GMDS: variants seen among roughly 807,000 people sequenced by gnomAD.
GMDS encodes GDP-mannose 4,6-dehydratase, also known as GDP-mannose 4,6 dehydratase.
A neutral mutation model predicts 49.9 loss-of-function variants in GMDS; 20 were observed. The ratio of observed to expected loss-of-function variants is 0.40; its 90% CI spans 0.28 to 0.58. The LOEUF (loss-of-function observed/expected upper bound fraction) is 0.58, where lower values mean the gene tolerates loss of function less well. GMDS is among the 20% of genes least tolerant of loss of function. The pLI is 0.42. For synonymous variants in GMDS, 177 were observed against 178.6 expected, an observed-to-expected ratio of 0.99 and a Z score of 0.07; for missense variants, 362 against 481.4, an observed-to-expected ratio of 0.75 and a Z score of 2.32.
chr6:1,810,037 C>A (rs559040758), intron 7 of GMDS, among the ~76,000 whole-genome samples: 1 of 152,218 alleles, frequency 6.6e-6, no homozygotes, highest in African/African-American at 2.4e-5. Flanking sequence ...GGTTACGCAG[C>A]TCAACTACAC....
In GMDS at chr6:1,959,972, CT is replaced by C; in HGVS notation, c.539-2del. On this transcript the variant is annotated splice_acceptor_variant, in intron 5 of 10. Coordinates refer to ENST00000380815, the MANE Select transcript of GMDS (RefSeq NM_001500.4). LOFTEE classifies it high-confidence loss of function. ...CAATAGGCATAGAGTTTTGCTGCCC[CT>C]GTTGGAATAATTTTTTTTAAGCAAT... 2 of 1,574,914 alleles carry C rather than the reference CT, an allele frequency of 1.3e-6. No individual in the cohort carries two copies. Among genetic ancestry groups the C allele is most frequent in the Non-Finnish European group, 1.7e-6 (2 of 1,155,660 alleles).
intron 1 of GMDS, among the ~76,000 whole-genome samples, chr6:2,159,517 T>G (rs924379304): frequency 7.3e-6 from 1 of 137,866 alleles, no homozygotes; most frequent in African/African-American, 2.7e-5. Flanking sequence ...TTTTTTTCTT[T>G]TTTTTTTTTT....
chr6:1,673,629 C>A (rs1159531785), intron 9 of GMDS, among the ~76,000 whole-genome samples: 1 of 152,108 alleles, frequency 6.6e-6, no homozygotes, highest in African/African-American at 2.4e-5. Context: ...CGTATAATGT[C>A]ATGTATCCAC....
At chr6:1,650,741 A>ATT (rs11428270) in intron 9 of GMDS, among the ~76,000 whole-genome samples, 86 of 150,810 alleles carry the variant, frequency 5.7e-4, no homozygotes, top group African/African-American at 1.1e-3. Context: ...TGCCTGGCTA[A>ATT]TTTTTTTTTG....
At position 2,118,229 on chromosome 6, in the gene GMDS, T is replaced by C. The variant is rs114133038; in HGVS notation, c.148-673A>G. On this transcript the variant is annotated intron_variant, in intron 2 of 10. Transcript: ENST00000380815. ...GACAGTTGATAAAACAGGAATGTAA[T>C]GCATACTTGCCTGATATTGAAGAAA... 6.9e-3 allele frequency among the ~76,000 whole-genome samples: 1,058 copies of C among 152,306 alleles called. 6 individuals carry two copies. Among genetic ancestry groups the C allele is most frequent in the Middle Eastern group, 0.024 (7 of 294 alleles).
Position 1,689,902 on chromosome 6 carries a change from A to G in GMDS, c.987+36514T>C, listed in dbSNP as rs1043792586. 1.9e-4 allele frequency among the ~76,000 whole-genome samples: 3 copies of G among 15,906 alleles called. No homozygotes were observed. In the Admixed American group the frequency reaches 3.4e-3, roughly 18 times the overall value. 10.4% of individuals were successfully genotyped at this position (15,906 alleles called of 152,430 possible). ...ACAACAGCATAGAAAACAAGTTGAAATATATGTAGATAACATAAAGCATGA... is the reference window on the plus strand; with the variant it reads ...ACAACAGCATAGAAAACAAGTTGAAGTATATGTAGATAACATAAAGCATGA... On this transcript the variant is annotated intron_variant, in intron 9 of 10. Coordinates refer to ENST00000380815, the MANE Select transcript of GMDS (RefSeq NM_001500.4).
Position 1,635,811 on chromosome 6 carries a change from C to T in GMDS, c.988-11271G>A, listed in dbSNP as rs982900794. 6.6e-6 allele frequency among the ~76,000 whole-genome samples: 1 copy of T among 152,198 alleles called. No homozygotes were observed. The highest frequency in any genetic ancestry group is 2.1e-4 in the South Asian group (1 of 4,826). On this transcript the variant is annotated intron_variant, in intron 9 of 10. Transcript: ENST00000380815. This position sits in a 1 kb window ranked among gnomAD's most constrained non-coding sequence, Gnocchi z 4.7. ...AATGTGAGAAATTACTGATTACAGC[C>T]TTGTACATAACCCACAGCCACTCCA... is the stretch of plus-strand genomic sequence containing the variant.
At chr6:2,244,674 T>C (rs1052583004) in intron 1 of GMDS, among the ~76,000 whole-genome samples, 2 of 152,228 alleles carry the variant, frequency 1.3e-5, no homozygotes, top group Non-Finnish European at 2.9e-5. Context: ...AGCCGCACTT[T>C]TGGACCAGTG....
At chr6:1,831,264 C>T (rs1292725504) in intron 7 of GMDS, among the ~76,000 whole-genome samples, 1 of 152,220 alleles carries the variant, frequency 6.6e-6, no homozygotes, top group Non-Finnish European at 1.5e-5. Flanking sequence ...GTGGCTGTGT[C>T]CCATCTGCCA....
At chr6:2,186,531 G>A (rs867601523) in intron 1 of GMDS, among the ~76,000 whole-genome samples, 1 of 152,150 alleles carries the variant, frequency 6.6e-6, no homozygotes, top group South Asian at 2.1e-4. Context: ...CAATGTGTTC[G>A]CTAGCCTTTC....
At chr6:1,998,573 C>A (rs1028187211) in intron 4 of GMDS, among the ~76,000 whole-genome samples, 16 of 152,134 alleles carry the variant, frequency 1.1e-4, no homozygotes, top group African/African-American at 3.6e-4. Context: ...CAGATTCAAT[C>A]AACCACAATT....
At chr6:2,203,869 G>A (rs1779666006) in intron 1 of GMDS, among the ~76,000 whole-genome samples, 1 of 152,058 alleles carries the variant, frequency 6.6e-6, no homozygotes, top group Non-Finnish European at 1.5e-5. Context: ...GATTTCACAT[G>A]GAAAAAGGCA....
chr6:1,962,828 C>G (rs559350920), intron 4 of GMDS, among the ~76,000 whole-genome samples: 2 of 151,274 alleles, frequency 1.3e-5, no homozygotes, highest in African/African-American at 4.8e-5. Flanking sequence ...ATATGACTTG[C>G]AATCTTTCCT....
chr6:1,909,860 C>T (rs943780747), intron 7 of GMDS, among the ~76,000 whole-genome samples: 1 of 152,132 alleles, frequency 6.6e-6, no homozygotes, highest in African/African-American at 2.4e-5. Flanking sequence ...TCACCGCTGC[C>T]CCTCTTCAGG....
chr6:2,004,864 T>C (rs181669995), intron 4 of GMDS, among the ~76,000 whole-genome samples: 46 of 152,304 alleles, frequency 3.0e-4, no homozygotes, highest in Non-Finnish European at 4.7e-4. Flanking sequence ...TAATGCTCGT[T>C]AGAAAATTAT....
chr6:2,050,420 T>G (rs747022708), intron 4 of GMDS, among the ~76,000 whole-genome samples: 3 of 152,092 alleles, frequency 2.0e-5, no homozygotes, highest in Non-Finnish European at 4.4e-5. Flanking sequence ...CAGGACCAGA[T>G]AGATTCACAG....
At chr6:1,788,324 C>T (rs1769400189) in intron 7 of GMDS, among the ~76,000 whole-genome samples, 1 of 152,190 alleles carries the variant, frequency 6.6e-6, no homozygotes, top group Admixed American at 6.5e-5. Context: ...ATAGATTCTT[C>T]AATTTCTTCA....
chr6:2,016,755 A>C (rs1055761872), intron 4 of GMDS, among the ~76,000 whole-genome samples: 4 of 152,212 alleles, frequency 2.6e-5, no homozygotes, highest in African/African-American at 9.6e-5. Flanking sequence ...CAAACTATAA[A>C]TCAATAAAAA....
intron 7 of GMDS, among the ~76,000 whole-genome samples, chr6:1,810,929 T>G (rs1428290367): frequency 2.0e-5 from 3 of 152,282 alleles, no homozygotes; most frequent in Admixed American, 2.0e-4. Flanking sequence ...TGGCATTTTC[T>G]GTGGAAACGG....
Sources: allele counts gnomAD v4.1 joint callset (sites outside exome capture counted in the v4.1 genomes callset), GRCh38; gene constraint gnomAD v4.1.1; non-coding constraint Gnocchi (gnomAD v3.1); transcripts MANE v1.5; gene names NCBI Gene and HGNC (gene_info 2026-07-23, HGNC 2026-07-21).